DHRS4L2: variants seen among roughly 807,000 people sequenced by gnomAD.
DHRS4L2 encodes dehydrogenase/reductase 4 like 2.
DHRS4L2 carries 22 observed loss-of-function variants against 23.9 expected under a neutral mutation model. The observed-to-expected ratio is 0.92, with a 90% CI of 0.66 to 1.31. The LOEUF (loss-of-function observed/expected upper bound fraction) is 1.31. DHRS4L2 is among the 40% of genes most tolerant of loss of function. DHRS4L2 has a pLI of 0.00. For synonymous variants in DHRS4L2, 141 were observed against 123.7 expected (o/e 1.14, Z -0.93); for missense variants, 385 against 303.3 (o/e 1.27, Z -2.00).
rs558243769 is a variant in DHRS4L2 at position 23,972,851 on chromosome 14, C to T, written c.-176+2519C>T. ...CAACAAACGTGAGCAATAGAATCTA[C>T]ATCATAATTCAGTTCAAGGGAAGGT... On this transcript the variant is annotated intron_variant, in intron 1 of 5. Coordinates refer to the DHRS4L2 transcript ENST00000534993. Among the ~76,000 whole-genome samples, 116 of 138,790 alleles carry T rather than the reference C, an allele frequency of 8.4e-4. 4 individuals are homozygous for T. The highest frequency in any genetic ancestry group is 6.8e-4 in the South Asian group (3 of 4,392). 91.1% of individuals were successfully genotyped at this position (138,790 alleles called of 152,430 possible).
upstream of DHRS4L2, chr14:23,988,621 A>G (rs913389966): frequency 5.5e-5 from 18 of 325,088 alleles, no homozygotes; most frequent in African/African-American, 1.5e-4. Context: ...GAAAACGTGG[A>G]CAAGCAGATG....
chr14:23,991,902 A>G (rs56239015), intron 2 of DHRS4L2, among the ~76,000 whole-genome samples: 3,376 of 151,238 alleles, frequency 0.022, 109 homozygotes, highest in Middle Eastern at 0.054. Context: ...CGTCCAGCTA[A>G]TTTTTGTATT....
At chr14:23,996,716 C>G (rs1404137482) in intron 3 of DHRS4L2, among the ~76,000 whole-genome samples, 17 of 148,444 alleles carry the variant, frequency 1.1e-4, no homozygotes, top group African/African-American at 4.0e-4. Context: ...TCTCAGCTCA[C>G]TGCAACCTCA....
chr14:23,991,892 C>G (rs1407319413), intron 2 of DHRS4L2, among the ~76,000 whole-genome samples: 2 of 151,374 alleles, frequency 1.3e-5, no homozygotes, highest in Non-Finnish European at 2.9e-5. Flanking sequence ...TCCACCACCA[C>G]GTCCAGCTAA....
chr14:23,995,599 T>C (rs1416963417), intron 3 of DHRS4L2, among the ~76,000 whole-genome samples: 1 of 151,822 alleles, frequency 6.6e-6, no homozygotes, highest in East Asian at 1.9e-4. Flanking sequence ...CTTTATAACA[T>C]ACATCCTTTA....
At chr14:23,971,544 T>A (rs2033858017) in intron 1 of DHRS4L2, among the ~76,000 whole-genome samples, 1 of 151,740 alleles carries the variant, frequency 6.6e-6, no homozygotes, top group African/African-American at 2.4e-5. Context: ...GACACATAAT[T>A]GTCAGACTCA....
At chr14:23,983,878 T>G (rs1187871927), upstream of DHRS4L2, among the ~76,000 whole-genome samples, 2 of 151,096 alleles carry the variant, frequency 1.3e-5, no homozygotes, top group Non-Finnish European at 3.0e-5. Context: ...CCAGGGCCTG[T>G]TGGGTTTATA....
chr14:23,984,960 AC>A (rs1424196109), upstream of DHRS4L2, among the ~76,000 whole-genome samples: 1 of 151,372 alleles, frequency 6.6e-6, no homozygotes, highest in South Asian at 2.1e-4. Context: ...GAGCTTCTAT[AC>A]CCCTTCGTAT....
chr14:23,987,223 C>T (rs529417857), upstream of DHRS4L2: 22 of 366,096 alleles, frequency 6.0e-5, 1 homozygote, highest in South Asian at 3.2e-4. Context: ...CTCCGCATCC[C>T]GTGTTCATGC....
At position 23,971,770 on chromosome 14, in the gene DHRS4L2, G is replaced by A. The variant is rs1242084885; in HGVS notation, c.-176+1438G>A. On this transcript the variant is annotated intron_variant, in intron 1 of 5. Coordinates refer to the DHRS4L2 transcript ENST00000534993. ...GAGAAATAAAATCCTTTGCAGACAA[G>A]GAGATGCTGAGAGATTTTGTCACCA... Among the ~76,000 whole-genome samples, 2 of 152,084 alleles carry A rather than the reference G, an allele frequency of 1.3e-5. 1 individual carries two copies. Among genetic ancestry groups the A allele is most frequent in the Non-Finnish European group, 2.9e-5 (2 of 68,026 alleles).
Position 23,992,717 on chromosome 14 carries a change from A to C in DHRS4L2, c.307-2315A>C, listed in dbSNP as rs538034363. ...TATTTTTTTCCAGAGACAGTGCCTC[A>C]TTCTGTTGCCCAGGCTGCAGTGCAG... On this transcript the variant is annotated intron_variant, in intron 2 of 7. Transcript: ENST00000335125. 3.4e-4 allele frequency among the ~76,000 whole-genome samples: 51 copies of C among 151,142 alleles called. 2 individuals carry two copies. Among genetic ancestry groups the C allele is most frequent in the Admixed American group, 1.3e-3 (20 of 15,212 alleles).
chr14:23,998,267 A>G (rs1352244628), intron 3 of DHRS4L2, among the ~76,000 whole-genome samples: 4 of 151,986 alleles, frequency 2.6e-5, no homozygotes, highest in Non-Finnish European at 5.9e-5. Flanking sequence ...GATTTAGCGT[A>G]AATCTTGAGA....
rs1555330042 is a variant in DHRS4L2 at position 23,999,367 on chromosome 14, A to AAAAAAAAAAACAAAAC, written c.409-1489_409-1488insAAACAAAACAAAAAAA. On this transcript the variant is annotated intron_variant, in intron 3 of 7. Coordinates refer to ENST00000335125, the MANE Select transcript of DHRS4L2 (RefSeq NM_198083.4). ...TGTAAAAAAAAAAAAAAAAAAAAAA[A>AAAAAAAAAAACAAAAC]AAAAAAACAATATCTGCAAAGCATA... is the stretch of plus-strand genomic sequence containing the variant. Among the ~76,000 whole-genome samples, 96 of 116,770 alleles carry AAAAAAAAAAACAAAAC rather than the reference A, an allele frequency of 8.2e-4. 1 individual carries two copies. The highest frequency in any genetic ancestry group is 3.8e-3 in the East Asian group (13 of 3,400). The allele number at this position is 116,770 out of a possible 152,430, so 76.6% of individuals were successfully genotyped here.
At chr14:24,005,787 G>C (rs1267804163) in intron 7 of DHRS4L2, 99 bp from the exon 8 acceptor site, 6 of 1,551,516 alleles carry the variant, frequency 3.9e-6, no homozygotes, top group Non-Finnish European at 5.2e-6. Flanking sequence ...AAAGTCATCT[G>C]ATAATTCTTG....
intron 2 of DHRS4L2, among the ~76,000 whole-genome samples, chr14:23,991,144 C>G (rs1406437996): frequency 6.6e-6 from 1 of 151,754 alleles, no homozygotes; most frequent in Non-Finnish European, 1.5e-5. Context: ...GTACAGGATT[C>G]TGCTAACAGA....
chr14:24,001,293 A>T, intron 5 of DHRS4L2, 91 bp from the exon 6 acceptor site: 1 of 1,569,726 alleles, frequency 6.4e-7, no homozygotes, highest in African/African-American at 1.5e-5. Context: ...CTTACAGGAG[A>T]TCCCTACTGA....
At chr14:23,988,045 A>G (rs1179426323), upstream of DHRS4L2, among the ~76,000 whole-genome samples, 1 of 151,670 alleles carries the variant, frequency 6.6e-6, no homozygotes, top group Non-Finnish European at 1.5e-5. Flanking sequence ...TTACAGATGA[A>G]GAGTCTGGCC....
chr14:23,996,668 C>G (rs572244580), intron 3 of DHRS4L2, among the ~76,000 whole-genome samples: 2 of 131,272 alleles, frequency 1.5e-5, no homozygotes, highest in Non-Finnish European at 3.1e-5. Context: ...TTTTTTTCCC[C>G]CTCGCTGTGT....
intron 3 of DHRS4L2, 148 bp downstream of exon 3, chr14:23,995,281 G>T: frequency 1.1e-6 from 1 of 922,930 alleles, no homozygotes; most frequent in Non-Finnish European, 1.7e-6. Context: ...CCTTGCAAAG[G>T]GCAGGTGGGG....
Sources: allele counts gnomAD v4.1 joint callset (sites outside exome capture counted in the v4.1 genomes callset), GRCh38; gene constraint gnomAD v4.1.1; transcripts MANE v1.5; gene names NCBI Gene and HGNC (gene_info 2026-07-23, HGNC 2026-07-21).